The following NUP133 variants were observed in gnomAD, a reference collection of about 807,000 sequenced individuals.
The protein encoded by NUP133 is nuclear pore complex protein Nup133.
In NUP133, 66 loss-of-function variants were observed where a neutral mutation model predicts 146.2. The observed-to-expected ratio is 0.45, with a 90% CI of 0.37 to 0.55. NUP133 has a LOEUF of 0.55. NUP133 is among the 20% of genes least tolerant of loss of function. NUP133 has a pLI of 0.00. For missense variants in NUP133, 1,277 were observed against 1,374.8 expected, an observed-to-expected ratio of 0.93 and a Z score of 1.12; for synonymous variants, 521 against 498.8, an observed-to-expected ratio of 1.04 and a Z score of -0.59.
chr1:229,460,194 T>C (rs1007194202), intron 20 of NUP133, among the ~76,000 whole-genome samples: 8 of 152,192 alleles, frequency 5.3e-5, no homozygotes, highest in African/African-American at 1.9e-4. Flanking sequence ...TCTTTTGCCA[T>C]TCATTCATTC....
chr1:229,455,973 T>C (rs1660550652), intron 21 of NUP133, among the ~76,000 whole-genome samples: 1 of 152,238 alleles, frequency 6.6e-6, no homozygotes, highest in Non-Finnish European at 1.5e-5. Context: ...TTCTGTGTCA[T>C]GGCTCTTAGG....
At position 229,470,822 on chromosome 1, in the gene NUP133, A is replaced by T; in HGVS notation, c.1852-18T>A. ...AAGCCAACCTTGCAAAAAGGCAAAC[A>T]CATATTCTCAGAAAGCAATTATGGT... is the stretch of plus-strand genomic sequence containing the variant. On this transcript the variant is annotated intron_variant, in intron 14 of 25. Coordinates refer to ENST00000261396, the MANE Select transcript of NUP133 (RefSeq NM_018230.3). 6.2e-7 allele frequency: 1 copy of T among 1,605,336 alleles called. No individual in the cohort carries two copies. Among genetic ancestry groups the T allele is most frequent in the Non-Finnish European group, 8.5e-7 (1 of 1,173,172 alleles).
At chr1:229,501,954 C>T (rs755024771) in intron 3 of NUP133, 45 bp downstream of exon 3, 36 of 1,364,100 alleles carry the variant, frequency 2.6e-5, no homozygotes, top group Non-Finnish European at 3.2e-5. Context: ...AGTCAATTGG[C>T]ATTCCTCTCC....
intron 21 of NUP133, among the ~76,000 whole-genome samples, chr1:229,453,034 T>G (rs1290525370): frequency 6.6e-6 from 1 of 152,258 alleles, no homozygotes; most frequent in Middle Eastern, 3.4e-3. Context: ...ATTTATAGTA[T>G]ATAGTTGGCC....
intron 13 of NUP133, 45 bp downstream of exon 13, chr1:229,477,552 A>T: frequency 6.8e-7 from 1 of 1,480,744 alleles, no homozygotes; most frequent in Non-Finnish European, 9.1e-7. Flanking sequence ...TAAAGAAACC[A>T]GAATATGTTC....
At chr1:229,449,371 T>C (rs11587359) in intron 23 of NUP133, among the ~76,000 whole-genome samples, 181 bp from the exon 24 acceptor site, 2 of 101,862 alleles carry the variant, frequency 2.0e-5, no homozygotes, top group African/African-American at 3.5e-5. Context: ...AGAGTTTTTC[T>C]TTTTTTTTTT....
intron 15 of NUP133, among the ~76,000 whole-genome samples, chr1:229,467,760 A>G (rs529069833): frequency 6.6e-6 from 1 of 152,204 alleles, no homozygotes; most frequent in East Asian, 1.9e-4. Context: ...CCCTGTCTCC[A>G]CTAAAAATAC....
At chr1:229,479,608 T>C (rs1285056726) in intron 12 of NUP133, among the ~76,000 whole-genome samples, 1 of 152,166 alleles carries the variant, frequency 6.6e-6, no homozygotes, top group Admixed American at 6.5e-5. Flanking sequence ...GAGATGGTAG[T>C]GCTTGTCACT....
intron 11 of NUP133, among the ~76,000 whole-genome samples, chr1:229,484,836 G>T (rs1032068464): frequency 1.3e-5 from 2 of 151,612 alleles, no homozygotes; most frequent in African/African-American, 4.8e-5. Context: ...CAAAATACAA[G>T]GTATTTTGTA....
chr1:229,491,891 G>A (rs1023575274), intron 8 of NUP133, among the ~76,000 whole-genome samples: 1 of 152,168 alleles, frequency 6.6e-6, no homozygotes. Context: ...ACCAAACAGG[G>A]CAACCCTGTC....
At chr1:229,456,235 C>T (rs1660556592) in intron 21 of NUP133, among the ~76,000 whole-genome samples, 1 of 152,152 alleles carries the variant, frequency 6.6e-6, no homozygotes, top group Non-Finnish European at 1.5e-5. Context: ...TACTGATACT[C>T]CAAAACCACG....
rs1171087349 is a variant in NUP133 at position 229,470,496 on chromosome 1, T to C, written c.2076+84A>G. 18 of 1,119,128 alleles carry C rather than the reference T, an allele frequency of 1.6e-5. No homozygotes were observed. The African/African-American group carries it at 2.8e-4, about 17-fold the overall frequency. 69.3% of individuals were successfully genotyped at this position (1,119,128 alleles called of 1,614,324 possible). On this transcript the variant is annotated intron_variant, in intron 15 of 25. Coordinates refer to ENST00000261396, the MANE Select transcript of NUP133 (RefSeq NM_018230.3). ...TCAGTGAGATCTTTTGTGATTTAAC[T>C]CGTCCTCACCGTCTTTCCTGCCTAG...
At chr1:229,473,795 G>A (rs2102765033) in intron 14 of NUP133, among the ~76,000 whole-genome samples, 1 of 152,272 alleles carries the variant, frequency 6.6e-6, no homozygotes, top group South Asian at 2.1e-4. Flanking sequence ...TCAGCACCAT[G>A]CGCCTGTAGT....
chr1:229,482,754 T>C (rs1661248985), intron 12 of NUP133, among the ~76,000 whole-genome samples: 1 of 152,154 alleles, frequency 6.6e-6, no homozygotes, highest in South Asian at 2.1e-4. Context: ...AACAGGACAC[T>C]AGCAAACGCC....
intron 15 of NUP133, among the ~76,000 whole-genome samples, chr1:229,469,939 T>C (rs142487274): frequency 2.6e-5 from 4 of 152,252 alleles, no homozygotes; most frequent in Admixed American, 1.3e-4. Context: ...GGCAGGAGAA[T>C]TGCTTGAAGC....
At chr1:229,468,529 A>C (rs777112185) in intron 15 of NUP133, among the ~76,000 whole-genome samples, 3 of 152,192 alleles carry the variant, frequency 2.0e-5, no homozygotes, top group Non-Finnish European at 2.9e-5. Flanking sequence ...GGAGCCAATC[A>C]CATTTTTAGT....
chr1:229,496,105 T>A (rs1280131581), intron 6 of NUP133, 58 bp from the exon 7 acceptor site: 1 of 1,341,464 alleles, frequency 7.5e-7, no homozygotes, highest in Non-Finnish European at 9.9e-7. Context: ...GCTAAGGAAC[T>A]ATTGTTTTAA....
chr1:229,485,915 G>A (rs1284267149), intron 11 of NUP133, among the ~76,000 whole-genome samples: 2 of 152,182 alleles, frequency 1.3e-5, no homozygotes, highest in African/African-American at 4.8e-5. Context: ...AGTAATCCCA[G>A]CACTTTGGGA....
chr1:229,484,202 T>C, intron 11 of NUP133, 57 bp from the exon 12 acceptor site: 2 of 1,309,612 alleles, frequency 1.5e-6, no homozygotes, highest in South Asian at 2.5e-5. Context: ...TCTTAATTAT[T>C]GGACTAAAAA....
Sources: gnomAD v4.1 joint callset for allele counts (sites outside exome capture counted in the v4.1 genomes callset) on GRCh38, gnomAD v4.1.1 for gene constraint, MANE v1.5 for transcripts, NCBI Gene and HGNC (gene_info 2026-07-23, HGNC 2026-07-21) for gene names.